The following PCDH15 variants were observed in gnomAD, a reference collection of about 807,000 sequenced individuals.
PCDH15 encodes protocadherin related 15.
In PCDH15, 129 loss-of-function variants were observed where a neutral mutation model predicts 178.5. That is an observed-to-expected ratio of 0.72 (90% CI 0.63 to 0.84). The LOEUF is 0.84. Among genes scored for constraint, PCDH15 ranks in the 40% least tolerant of loss-of-function variants. PCDH15 has a pLI of 0.00. For synonymous variants in PCDH15, 800 were observed against 732.0 expected, an observed-to-expected ratio of 1.09 and a Z score of -1.50; for missense variants, 2,230 against 2,099.9, an observed-to-expected ratio of 1.06 and a Z score of -1.21.
intron 2 of PCDH15, among the ~76,000 whole-genome samples, chr10:55,039,510 T>G (rs1200828216): frequency 6.6e-6 from 1 of 152,064 alleles, no homozygotes; most frequent in Non-Finnish European, 1.5e-5. Flanking sequence ...GTTATGCATA[T>G]AAAAAGGAAC....
At chr10:54,557,333 CAA>C (rs1467010809) in intron 2 of PCDH15, among the ~76,000 whole-genome samples, 1 of 151,952 alleles carries the variant, frequency 6.6e-6, no homozygotes, top group African/African-American at 2.4e-5. Flanking sequence ...CAAATTATAC[CAA>C]AAAATTGTTA....
At chr10:55,565,867 G>A (rs1842291221) in intron 2 of PCDH15, among the ~76,000 whole-genome samples, 1 of 151,512 alleles carries the variant, frequency 6.6e-6, no homozygotes, top group Non-Finnish European at 1.5e-5. Context: ...GACAACAAAA[G>A]CCCTGGACCT....
chr10:53,999,217 G>A (rs947110809), intron 20 of PCDH15, among the ~76,000 whole-genome samples: 3 of 152,130 alleles, frequency 2.0e-5, no homozygotes, highest in African/African-American at 7.2e-5. Context: ...TCCTTGTTGA[G>A]CTATATGGCT....
chr10:54,767,685 CTG>C (rs1234745768), intron 1 of PCDH15, among the ~76,000 whole-genome samples: 1 of 152,112 alleles, frequency 6.6e-6, no homozygotes, highest in Admixed American at 6.5e-5. Flanking sequence ...CAAATTCCCT[CTG>C]TAATATACCT....
intron 1 of PCDH15, among the ~76,000 whole-genome samples, chr10:55,260,419 G>A (rs2249476): frequency 0.85 from 128,777 of 152,148 alleles, 55,140 homozygotes; most frequent in East Asian, 0.96. Context: ...ATTACACATA[G>A]AAGTAATTTG....
At chr10:55,391,462 G>C (rs1837790287) in intron 2 of PCDH15, among the ~76,000 whole-genome samples, 1 of 151,034 alleles carries the variant, frequency 6.6e-6, no homozygotes, top group South Asian at 2.1e-4. Context: ...TGTTTTTCTT[G>C]CATTCACTAA....
At chr10:54,821,209 T>A (rs868678035) in intron 3 of PCDH15, among the ~76,000 whole-genome samples, 8 of 152,070 alleles carry the variant, frequency 5.3e-5, no homozygotes, top group African/African-American at 1.7e-4. Flanking sequence ...ATCAGCATTT[T>A]CAAGTTCCAT....
chr10:55,598,474 T>C (rs1308306630), intron 2 of PCDH15, among the ~76,000 whole-genome samples: 8 of 140,290 alleles, frequency 5.7e-5, no homozygotes, highest in Admixed American at 4.5e-4. Flanking sequence ...CACCATCTCT[T>C]GTCACTCAGC....
At chr10:54,399,195 C>A (rs990733304) in intron 3 of PCDH15, among the ~76,000 whole-genome samples, 1 of 151,948 alleles carries the variant, frequency 6.6e-6, no homozygotes, top group Admixed American at 6.6e-5. Flanking sequence ...AACTATGCTA[C>A]CTACTCTCAG....
chr10:55,202,822 G>A (rs887790136), intron 1 of PCDH15, among the ~76,000 whole-genome samples: 7 of 152,158 alleles, frequency 4.6e-5, no homozygotes, highest in Middle Eastern at 3.4e-3. Flanking sequence ...TTCCTGCTTC[G>A]CTATTCTCTC....
At chr10:54,360,860 C>T (rs1478160746) in intron 5 of PCDH15, among the ~76,000 whole-genome samples, 1 of 151,958 alleles carries the variant, frequency 6.6e-6, no homozygotes, top group Non-Finnish European at 1.5e-5. Flanking sequence ...TTTGAATTGA[C>T]AAATTTATCA....
intron 1 of PCDH15, among the ~76,000 whole-genome samples, chr10:54,783,850 GT>G (rs1432630295): frequency 1.3e-5 from 2 of 152,110 alleles, no homozygotes; most frequent in Non-Finnish European, 2.9e-5. Context: ...TTTACCAATT[GT>G]ATTAATCTGT....
chr10:54,416,225 C>T (rs1183302101), intron 3 of PCDH15, among the ~76,000 whole-genome samples: 1 of 151,982 alleles, frequency 6.6e-6, no homozygotes, highest in Non-Finnish European at 1.5e-5. Context: ...TATACGTGTG[C>T]CATGGTGGTT....
intron 1 of PCDH15, among the ~76,000 whole-genome samples, chr10:55,174,018 T>C (rs1322118275): frequency 6.6e-6 from 1 of 152,182 alleles, no homozygotes; most frequent in African/African-American, 2.4e-5. Flanking sequence ...GAAACAAAAA[T>C]ATTCAATTTT....
At chr10:54,270,821 C>T (rs1219023023) in intron 8 of PCDH15, among the ~76,000 whole-genome samples, 2 of 152,110 alleles carry the variant, frequency 1.3e-5, no homozygotes, top group East Asian at 1.9e-4. Context: ...TGGGCTATAA[C>T]GTTGATAAGA....
chr10:55,447,838 A>AGTGGAGTATAAAGT lies in PCDH15; in HGVS notation c.-156+179773_-156+179786dup, dbSNP rs1434228441. On this transcript the variant is annotated intron_variant, in intron 2 of 5. Coordinates refer to the PCDH15 transcript ENST00000613346. ...GAAAGTGTGTTGGGAGGGTTTTTATAGTGGAGTATAAAGTGTGGAGTATAA... is the reference window on the plus strand; with the variant it reads ...GAAAGTGTGTTGGGAGGGTTTTTATAGTGGAGTATAAAGTGTGGAGTATAAAGTGTGGAGTATAA... Among the ~76,000 whole-genome samples, 10 of 152,022 alleles carry AGTGGAGTATAAAGT rather than the reference A, an allele frequency of 6.6e-5. No homozygotes were observed. The East Asian group carries it at 1.9e-3, about 29-fold the overall frequency.
intron 3 of PCDH15, among the ~76,000 whole-genome samples, chr10:54,522,604 G>A (rs911510225): frequency 2.2e-4 from 34 of 152,084 alleles, no homozygotes; most frequent in African/African-American, 6.5e-4. Context: ...GCTCTGTTTC[G>A]TTTTTACTCC....
chr10:55,413,066 T>C (rs1186343560), intron 2 of PCDH15, among the ~76,000 whole-genome samples: 1 of 151,870 alleles, frequency 6.6e-6, no homozygotes, highest in Non-Finnish European at 1.5e-5. Context: ...CTAAATCTTA[T>C]GAAAAACTAG....
Position 54,871,736 on chromosome 10 carries a change from T to C in PCDH15, c.-29+25714A>G, listed in dbSNP as rs182824126. 9.5e-3 allele frequency among the ~76,000 whole-genome samples: 1,449 copies of C among 152,150 alleles called. 16 individuals carry two copies. The highest frequency in any genetic ancestry group is 0.033 in the African/African-American group (1,352 of 41,520). ...ACCCAGGCTCATAAATTATTTTTGT[T>C]CATAATTTTTACTAAATATTGTCAT... On this transcript the variant is annotated intron_variant, in intron 3 of 5. Transcript: ENST00000458638.
Sources: gnomAD v4.1 joint callset for allele counts (sites outside exome capture counted in the v4.1 genomes callset) on GRCh38, gnomAD v4.1.1 for gene constraint, MANE v1.5 for transcripts, NCBI Gene and HGNC (gene_info 2026-07-23, HGNC 2026-07-21) for gene names.